Variants in PRR5 observed in about 807,000 individuals in gnomAD.
PRR5 encodes proline-rich protein 5.
Under a neutral mutation model 30.6 loss-of-function variants are expected in PRR5, and 25 were observed. The ratio of observed to expected loss-of-function variants is 0.82; its 90% CI spans 0.60 to 1.14. The LOEUF (loss-of-function observed/expected upper bound fraction) is 1.14, where lower values mean the gene tolerates loss of function less well. Among genes scored for constraint, PRR5 ranks in the 50% most tolerant of loss-of-function variants. The probability of loss-of-function intolerance (pLI) is 0.00; values close to 1 mark genes in which losing one functional copy is unlikely to be tolerated. For synonymous variants in PRR5, 286 were observed against 247.1 expected, an observed-to-expected ratio of 1.16 and a Z score of -1.48; for missense variants, 600 against 547.1, an observed-to-expected ratio of 1.10 and a Z score of -0.96.
upstream of PRR5, among the ~76,000 whole-genome samples, chr22:44,675,908 T>G (rs1923727432): frequency 6.6e-6 from 1 of 151,856 alleles, no homozygotes; most frequent in Admixed American, 6.6e-5. Flanking sequence ...ATGATTTGAT[T>G]CCTGATGTTC....
At chr22:44,671,570 G>A (rs1923428952) in intron 1 of PRR5, among the ~76,000 whole-genome samples, 1 of 152,226 alleles carries the variant, frequency 6.6e-6, no homozygotes, top group South Asian at 2.1e-4. Context: ...GCCTTCAGAA[G>A]CCAGGGAGAG....
In PRR5 at chr22:44,736,941, G is replaced by T. The variant is rs762562267; in HGVS notation, c.861G>T (p.Thr287=). The T allele has an allele frequency of 1.9e-6, 3 of 1,606,002 alleles. No individual in the cohort carries two copies. Among genetic ancestry groups the T allele is most frequent in the Middle Eastern group, 1.7e-4 (1 of 6,042 alleles). Reference sequence around the variant, plus strand: ...GCAGGCACTCTGTGTCGGAGATGACGTCCTGCCCCGAGCCTCAGGGCTTCT... The same window carrying T: ...GCAGGCACTCTGTGTCGGAGATGACTTCCTGCCCCGAGCCTCAGGGCTTCT... ...SIRRHSVSEM[T]SCPEPQGFSD... is the part of the protein sequence containing the mutation. Residue 287 remains threonine (T), a synonymous_variant, in exon 8 of 8, where the codon ACG becomes ACT. Transcript: ENST00000336985.
Position 44,684,734 on chromosome 22 carries a change from G to C in PRR5, c.-11+7494G>C, listed in dbSNP as rs192446795. Among the ~76,000 whole-genome samples the C allele has an allele frequency of 3.0e-4, 45 of 152,372 alleles. No homozygotes were observed. The East Asian group carries it at 8.1e-3, about 27-fold the overall frequency. On this transcript the variant is annotated intron_variant, in intron 1 of 8. Coordinates refer to the PRR5 transcript ENST00000006251. ...GGGGCAGACAGCGGGTGTGGGTGCA[G>C]AGCACAGGGCCGGGCTGATGTCAGC...
intron 6 of PRR5, among the ~76,000 whole-genome samples, chr22:44,732,940 C>T (rs1001861754): frequency 6.7e-5 from 7 of 104,160 alleles, no homozygotes; most frequent in Non-Finnish European, 1.0e-4. Context: ...ACATACTACA[C>T]ACGTGTGCAC....
intron 4 of PRR5, among the ~76,000 whole-genome samples, chr22:44,729,136 T>C (rs1301748108): frequency 6.6e-6 from 1 of 152,188 alleles, no homozygotes; most frequent in Non-Finnish European, 1.5e-5. Flanking sequence ...AAACCCGGTA[T>C]GGGTCACGTG....
chr22:44,719,534 G>A (rs73889703), intron 2 of PRR5, among the ~76,000 whole-genome samples: 2,696 of 152,244 alleles, frequency 0.018, 84 homozygotes, highest in African/African-American at 0.061. Context: ...CTGAGGCCCT[G>A]GGCGCCCTCG....
At chr22:44,719,679 A>C (rs1929638346) in intron 2 of PRR5, among the ~76,000 whole-genome samples, 1 of 152,100 alleles carries the variant, frequency 6.6e-6, no homozygotes, top group Non-Finnish European at 1.5e-5. Flanking sequence ...CATGTGGCTC[A>C]TACTGTTCTG....
At chr22:44,711,289 A>G (rs1928195306) in intron 1 of PRR5, among the ~76,000 whole-genome samples, 1 of 152,172 alleles carries the variant, frequency 6.6e-6, no homozygotes, top group Non-Finnish European at 1.5e-5. Flanking sequence ...GCTTTCCCAC[A>G]CAGCTGCGAG....
chr22:44,730,422 C>T (rs918278056), intron 4 of PRR5: 11 of 985,288 alleles, frequency 1.1e-5, no homozygotes, highest in African/African-American at 5.2e-5. Flanking sequence ...ATCCCAGCTC[C>T]GCTCAGTCCA....
intron 3 of PRR5, among the ~76,000 whole-genome samples, chr22:44,725,659 T>TTG: frequency 6.6e-6 from 1 of 151,372 alleles, no homozygotes; most frequent in East Asian, 2.0e-4. Flanking sequence ...TGTCTTTTGT[T>TTG]TTGTTGTTGT....
rs374390033 is a variant in PRR5 at position 44,726,662 on chromosome 22, C to T, written c.322+28C>T. 18 of 1,613,704 alleles carry T rather than the reference C, an allele frequency of 1.1e-5. No homozygotes were observed. In the African/African-American group the frequency reaches 2.4e-4, roughly 22 times the overall value. Reference sequence around the variant, plus strand: ...GAGTGTGGGCCCCTTGGCGGCCACTCTGGGCCATGCTGGGTCCTGGCTGGC... The same window carrying T: ...GAGTGTGGGCCCCTTGGCGGCCACTTTGGGCCATGCTGGGTCCTGGCTGGC... On this transcript the variant is annotated intron_variant, in intron 4 of 7. Coordinates refer to ENST00000336985, the MANE Select transcript of PRR5 (RefSeq NM_181333.4).
intron 5 of PRR5, among the ~76,000 whole-genome samples, chr22:44,732,029 G>T (rs1302681241): frequency 2.0e-5 from 3 of 152,214 alleles, no homozygotes; most frequent in African/African-American, 7.2e-5. Context: ...GAATCCCCCA[G>T]CAGCGAGGCA....
intron 1 of PRR5, among the ~76,000 whole-genome samples, chr22:44,696,730 T>C (rs1925781049): frequency 6.6e-6 from 1 of 151,512 alleles, no homozygotes; most frequent in Non-Finnish European, 1.5e-5. Flanking sequence ...CGTATTTATT[T>C]ATTTATTTAT....
chr22:44,675,796 T>C (rs187865924), upstream of PRR5, among the ~76,000 whole-genome samples: 13 of 146,362 alleles, frequency 8.9e-5, no homozygotes, highest in Non-Finnish European at 1.6e-4. Flanking sequence ...ATTATTATTA[T>C]TACTTAGGTC....
intron 4 of PRR5, among the ~76,000 whole-genome samples, chr22:44,726,856 G>A (rs1029019118): frequency 1.6e-4 from 24 of 152,204 alleles, no homozygotes; most frequent in African/African-American, 5.8e-4. Flanking sequence ...GAGCCCAGGA[G>A]GGCTATGAGA....
intron 4 of PRR5, chr22:44,731,147 G>C (rs532393768): frequency 3.7e-6 from 1 of 270,064 alleles, no homozygotes; most frequent in South Asian, 3.9e-5. Flanking sequence ...GCTGTGCCAG[G>C]CACACCTGTG....
chr22:44,692,381 GGCTCCTCCACCTTA>G (rs1443444004), intron 1 of PRR5, among the ~76,000 whole-genome samples: 38 of 127,570 alleles, frequency 3.0e-4, no homozygotes, highest in Middle Eastern at 6.8e-3. Context: ...CTCCTCCCGG[GGCTCCTCCACCTTA>G]GCTCCTCCAC....
chr22:44,732,229 G>T, intron 5 of PRR5, 22 bp from the exon 6 acceptor site: 1 of 1,608,588 alleles, frequency 6.2e-7, no homozygotes, highest in Non-Finnish European at 8.5e-7. Context: ...AGCCGGTGGG[G>T]TGGGGTGCCT....
intron 2 of PRR5, among the ~76,000 whole-genome samples, 177 bp downstream of exon 2, chr22:44,714,848 G>A (rs1031033182): frequency 1.3e-5 from 2 of 152,220 alleles, no homozygotes; most frequent in Non-Finnish European, 2.9e-5. Flanking sequence ...GGGCCAGGAC[G>A]TGGTTTCCCG....
Sources: allele counts gnomAD v4.1 joint callset (sites outside exome capture counted in the v4.1 genomes callset), GRCh38; gene constraint gnomAD v4.1.1; transcripts MANE v1.5; gene names NCBI Gene and HGNC (gene_info 2026-07-23, HGNC 2026-07-21).